Variants in WWOX observed in about 807,000 individuals in gnomAD.
WWOX encodes WW domain-containing oxidoreductase.
Under a neutral mutation model 46.2 loss-of-function variants are expected in WWOX, and 69 were observed. That is an observed-to-expected ratio of 1.49 (90% CI 1.23 to 1.82). The LOEUF is 1.82. Among genes scored for constraint, WWOX ranks in the 40% most tolerant of loss-of-function variants. The pLI is 0.00. For missense variants in WWOX, 919 were observed against 542.6 expected, an observed-to-expected ratio of 1.69 and a Z score of -6.89; for synonymous variants, 359 against 202.6, an observed-to-expected ratio of 1.77 and a Z score of -6.56.
intron 8 of WWOX, among the ~76,000 whole-genome samples, chr16:78,943,784 G>A (rs146198897): frequency 2.0e-5 from 3 of 152,084 alleles, no homozygotes; most frequent in African/African-American, 7.2e-5. Context: ...ACAATTTGAA[G>A]GGGAAATCTT....
At chr16:78,799,197 A>G (rs2050821100) in intron 8 of WWOX, among the ~76,000 whole-genome samples, 1 of 152,206 alleles carries the variant, frequency 6.6e-6, no homozygotes, top group Non-Finnish European at 1.5e-5. Context: ...GCCTTTCTAA[A>G]GAAACAGGGA....
At chr16:78,369,466 A>G (rs1215046291) in intron 5 of WWOX, among the ~76,000 whole-genome samples, 1 of 152,178 alleles carries the variant, frequency 6.6e-6, no homozygotes, top group Non-Finnish European at 1.5e-5. Flanking sequence ...ATGAAGGGGT[A>G]TGCAGCAACT....
At chr16:78,308,288 A>G (rs200033038) in intron 5 of WWOX, among the ~76,000 whole-genome samples, 2 of 152,192 alleles carry the variant, frequency 1.3e-5, no homozygotes, top group East Asian at 3.8e-4. Context: ...AAGCAACTGA[A>G]TGGATCCCTG....
intron 8 of WWOX, among the ~76,000 whole-genome samples, chr16:78,632,457 T>C (rs2046456414): frequency 6.6e-6 from 1 of 151,434 alleles, no homozygotes. Context: ...GAAGAGGGTG[T>C]AGGCCAAGAA....
At chr16:78,352,168 C>T in intron 5 of WWOX, among the ~76,000 whole-genome samples, 1 of 152,202 alleles carries the variant, frequency 6.6e-6, no homozygotes, top group East Asian at 1.9e-4. Context: ...CAGACCTTGG[C>T]TTCTCTGTCT....
At chr16:78,890,642 C>T (rs145094906) in intron 8 of WWOX, 119 of 152,334 alleles carry the variant, frequency 7.8e-4, no homozygotes, top group Middle Eastern at 3.4e-3. Context: ...TCTGCTCACT[C>T]AGCCAGTATT....
chr16:78,833,957 C>G (rs1478823472), intron 8 of WWOX, among the ~76,000 whole-genome samples: 3 of 152,202 alleles, frequency 2.0e-5, no homozygotes, highest in Non-Finnish European at 4.4e-5. Flanking sequence ...TGTTGCATCC[C>G]TTTGGCTTCA....
intron 5 of WWOX, among the ~76,000 whole-genome samples, chr16:78,234,435 G>A (rs79356380): frequency 0.018 from 2,740 of 152,058 alleles, 84 homozygotes; most frequent in African/African-American, 0.062. Flanking sequence ...CCAGACTTTC[G>A]CCATACCGCT....
chr16:78,878,873 T>C (rs1003464108), intron 8 of WWOX, among the ~76,000 whole-genome samples: 10 of 112,290 alleles, frequency 8.9e-5, no homozygotes, highest in Non-Finnish European at 1.4e-4. Flanking sequence ...CTGGGCAAGA[T>C]AGCAAAATAC....
intron 8 of WWOX, among the ~76,000 whole-genome samples, chr16:78,766,292 G>A (rs1415953191): frequency 6.6e-6 from 1 of 152,172 alleles, no homozygotes; most frequent in East Asian, 1.9e-4. Flanking sequence ...TGTGTCGCTA[G>A]CCTTATTAAA....
chr16:78,359,278 T>C (rs146156347), intron 5 of WWOX, among the ~76,000 whole-genome samples: 2 of 152,210 alleles, frequency 1.3e-5, no homozygotes, highest in African/African-American at 4.8e-5. Context: ...CAATATTCTT[T>C]TCAGTTTTAA....
intron 5 of WWOX, among the ~76,000 whole-genome samples, chr16:78,211,735 G>A (rs889586724): frequency 6.6e-6 from 1 of 152,222 alleles, no homozygotes; most frequent in Non-Finnish European, 1.5e-5. Context: ...TGGCTTTGCA[G>A]TGGGAACCTG....
chr16:79,051,608 C>T (rs375253289), intron 8 of WWOX, among the ~76,000 whole-genome samples: 11 of 152,204 alleles, frequency 7.2e-5, no homozygotes, highest in African/African-American at 2.4e-4. Flanking sequence ...AGTGAACAGC[C>T]AGGCAGTCGC....
intron 8 of WWOX, among the ~76,000 whole-genome samples, chr16:78,946,278 A>C (rs753294250): frequency 7.2e-5 from 11 of 151,756 alleles, no homozygotes; most frequent in Non-Finnish European, 1.6e-4. Context: ...GCAGCCTCCA[A>C]CTCCCGGCTC....
chr16:79,192,584 C>G (rs1288564769), intron 8 of WWOX, among the ~76,000 whole-genome samples: 3 of 152,226 alleles, frequency 2.0e-5, no homozygotes, highest in Admixed American at 1.3e-4. Flanking sequence ...AGAGATTTCT[C>G]TTAAGGTGCC....
chr16:78,149,641 CG>C (rs1238688746), intron 4 of WWOX, among the ~76,000 whole-genome samples: 2 of 152,152 alleles, frequency 1.3e-5, no homozygotes, highest in East Asian at 3.9e-4. Flanking sequence ...TCCCTCTTTC[CG>C]GACAGCTGCT....
chr16:78,700,446 TCTTATTG>T (rs2048189967), intron 8 of WWOX, among the ~76,000 whole-genome samples: 1 of 151,926 alleles, frequency 6.6e-6, no homozygotes, highest in Non-Finnish European at 1.5e-5. Flanking sequence ...CCAAACACCA[TCTTATTG>T]GGTGTTCTAG....
At chr16:79,165,567 A>G (rs1239429578) in intron 8 of WWOX, among the ~76,000 whole-genome samples, 1 of 152,170 alleles carries the variant, frequency 6.6e-6, no homozygotes, top group African/African-American at 2.4e-5. Context: ...GCTGGGGTGC[A>G]GTTGTATTCT....
chr16:78,769,879 A>C (rs1007384677), intron 8 of WWOX, among the ~76,000 whole-genome samples: 9 of 151,750 alleles, frequency 5.9e-5, no homozygotes, highest in African/African-American at 2.2e-4. Flanking sequence ...ATAAAAATAA[A>C]AATAAATAAA....
Sources: gnomAD v4.1 joint callset for allele counts (sites outside exome capture counted in the v4.1 genomes callset) on GRCh38, gnomAD v4.1.1 for gene constraint, MANE v1.5 for transcripts, NCBI Gene and HGNC (gene_info 2026-07-23, HGNC 2026-07-21) for gene names.